The following PTPRD variants were observed in gnomAD, a reference collection of about 807,000 sequenced individuals.
The protein encoded by PTPRD is protein tyrosine phosphatase receptor type D, also known as receptor-type tyrosine-protein phosphatase delta.
A neutral mutation model predicts 214.5 loss-of-function variants in PTPRD; 34 were observed. The ratio of observed to expected loss-of-function variants is 0.16; its 90% CI spans 0.12 to 0.21. The LOEUF is 0.21. Among genes scored for constraint, PTPRD ranks in the 10% least tolerant of loss-of-function variants. The probability of loss-of-function intolerance (pLI) is 1.00; values close to 1 mark genes in which losing one functional copy is unlikely to be tolerated. For missense variants in PTPRD, 2,545 were observed against 2,398.7 expected, an observed-to-expected ratio of 1.06 and a Z score of -1.27; for synonymous variants, 1,128 against 845.7, an observed-to-expected ratio of 1.33 and a Z score of -5.79.
At chr9:10,170,984 T>A (rs2099200512) in intron 3 of PTPRD, among the ~76,000 whole-genome samples, 2 of 152,302 alleles carry the variant, frequency 1.3e-5, no homozygotes, top group East Asian at 1.9e-4. Context: ...TAAGATGCAA[T>A]CATTACTTCT....
chr9:8,688,688 C>T (rs2097742705), intron 12 of PTPRD, among the ~76,000 whole-genome samples: 1 of 151,958 alleles, frequency 6.6e-6, no homozygotes, highest in Non-Finnish European at 1.5e-5. Context: ...GTTTCTTATT[C>T]ATAACACACA....
chr9:9,185,244 A>G (rs1396073500), intron 9 of PTPRD, among the ~76,000 whole-genome samples: 1 of 152,112 alleles, frequency 6.6e-6, no homozygotes, highest in Non-Finnish European at 1.5e-5. Context: ...CACATATTAC[A>G]ATGAAACAGC....
chr9:9,011,967 A>T (rs13302659), intron 11 of PTPRD, among the ~76,000 whole-genome samples: 10,557 of 152,060 alleles, frequency 0.069, 447 homozygotes, highest in Middle Eastern at 0.099. Context: ...ATAGGATTTT[A>T]CTCTCTTGAT....
chr9:10,422,132 A>C (rs2098551508), intron 2 of PTPRD, among the ~76,000 whole-genome samples: 1 of 152,048 alleles, frequency 6.6e-6, no homozygotes, highest in South Asian at 2.1e-4. Flanking sequence ...ATGGAACAGA[A>C]CAGAGGCCTC....
intron 7 of PTPRD, among the ~76,000 whole-genome samples, chr9:9,605,126 C>G (rs2094062457): frequency 6.6e-6 from 1 of 152,052 alleles, no homozygotes; most frequent in Non-Finnish European, 1.5e-5. Context: ...AGTAGATTCA[C>G]ATAACGTATA....
chr9:10,602,337 C>T (rs2078190584), intron 2 of PTPRD, among the ~76,000 whole-genome samples: 1 of 151,548 alleles, frequency 6.6e-6, no homozygotes, highest in African/African-American at 2.4e-5. Flanking sequence ...ATTAGGGCAC[C>T]AGGTTTCAAT....
At chr9:10,436,557 A>C (rs78211449) in intron 2 of PTPRD, among the ~76,000 whole-genome samples, 2,506 of 151,834 alleles carry the variant, frequency 0.017, 77 homozygotes, top group African/African-American at 0.056. Context: ...TATATTATAT[A>C]AAATGCACGT....
At chr9:8,393,695 A>G (rs2090302939) in intron 36 of PTPRD, among the ~76,000 whole-genome samples, 2 of 152,190 alleles carry the variant, frequency 1.3e-5, no homozygotes, top group South Asian at 4.1e-4. Context: ...TTTCATGTGC[A>G]TTCTCTAATT....
chr9:10,180,401 T>C (rs1478923341), intron 3 of PTPRD, among the ~76,000 whole-genome samples: 1 of 151,956 alleles, frequency 6.6e-6, no homozygotes, highest in Non-Finnish European at 1.5e-5. Context: ...CTTCCCCTTG[T>C]TCAGTTGGGT....
intron 2 of PTPRD, among the ~76,000 whole-genome samples, chr9:10,377,564 A>G (rs1338378796): frequency 6.6e-6 from 1 of 151,768 alleles, no homozygotes; most frequent in Non-Finnish European, 1.5e-5. Context: ...TCCTTGCAAT[A>G]GTTTGCTGAG....
chr9:9,684,820 A>G (rs558151558), intron 7 of PTPRD, among the ~76,000 whole-genome samples: 1 of 151,716 alleles, frequency 6.6e-6, no homozygotes, highest in South Asian at 2.1e-4. Flanking sequence ...GAATGATTAC[A>G]GTCAAGGAAT....
chr9:9,476,161 G>C (rs941973412), intron 8 of PTPRD, among the ~76,000 whole-genome samples: 5 of 152,128 alleles, frequency 3.3e-5, no homozygotes, highest in African/African-American at 1.2e-4. Context: ...TAGTGAGCTA[G>C]GTATCAGAAC....
intron 9 of PTPRD, among the ~76,000 whole-genome samples, chr9:9,321,944 T>C (rs1040423738): frequency 6.6e-6 from 1 of 152,194 alleles, no homozygotes; most frequent in Admixed American, 6.5e-5. Context: ...CATTAAAATA[T>C]ACATTAATCT....
intron 7 of PTPRD, among the ~76,000 whole-genome samples, chr9:9,666,107 AC>A (rs1356203754): frequency 1.3e-5 from 2 of 151,800 alleles, no homozygotes; most frequent in Non-Finnish European, 2.9e-5. Flanking sequence ...ATACCCATAA[AC>A]CCCCAAAATT....
chr9:8,497,037 C>G (rs979848999), intron 26 of PTPRD, among the ~76,000 whole-genome samples: 1 of 152,172 alleles, frequency 6.6e-6, no homozygotes, highest in Non-Finnish European at 1.5e-5. Flanking sequence ...CATGACATTT[C>G]TTACGCAGTC....
chr9:10,314,487 A>T (rs1190645946), intron 3 of PTPRD, among the ~76,000 whole-genome samples: 1 of 151,966 alleles, frequency 6.6e-6, no homozygotes, highest in African/African-American at 2.4e-5. Flanking sequence ...CGATGAGTTT[A>T]GATTTGTCAT....
intron 2 of PTPRD, among the ~76,000 whole-genome samples, chr9:10,401,894 T>A (rs917133123): frequency 3.3e-5 from 5 of 151,230 alleles, no homozygotes; most frequent in African/African-American, 1.2e-4. Flanking sequence ...TATATTTACA[T>A]CTGATAATCA....
chr9:10,255,642 T>A (rs2093200810), intron 3 of PTPRD, among the ~76,000 whole-genome samples: 1 of 152,114 alleles, frequency 6.6e-6, no homozygotes, highest in South Asian at 2.1e-4. Context: ...TCTTCAATAA[T>A]AAACTTAGCT....
intron 8 of PTPRD, among the ~76,000 whole-genome samples, chr9:9,445,169 A>C (rs1433229809): frequency 6.6e-6 from 1 of 152,212 alleles, no homozygotes; most frequent in African/African-American, 2.4e-5. Context: ...ATTCTGGATA[A>C]TAAATGGGTA....
Sources: allele counts gnomAD v4.1 joint callset (sites outside exome capture counted in the v4.1 genomes callset), GRCh38; gene constraint gnomAD v4.1.1; transcripts MANE v1.5; gene names NCBI Gene and HGNC (gene_info 2026-07-23, HGNC 2026-07-21).